STXBP5L: variants seen among roughly 807,000 people sequenced by gnomAD.
STXBP5L encodes syntaxin-binding protein 5-like.
In STXBP5L, 65 loss-of-function variants were observed where a neutral mutation model predicts 144.5. The ratio of observed to expected loss-of-function variants is 0.45; its 90% CI spans 0.37 to 0.55. The LOEUF (loss-of-function observed/expected upper bound fraction) is 0.55, where lower values mean the gene tolerates loss of function less well. Among genes scored for constraint, STXBP5L ranks in the 20% least tolerant of loss-of-function variants. The pLI, the probability that STXBP5L is intolerant of heterozygous loss-of-function variation, is 0.00. For synonymous variants in STXBP5L, 505 were observed against 469.6 expected (o/e 1.08, Z -0.97); for missense variants, 1,298 against 1,405.5 (o/e 0.92, Z 1.22).
At chr3:121,002,973 G>A (rs1157797448) in intron 3 of STXBP5L, among the ~76,000 whole-genome samples, 2 of 152,130 alleles carry the variant, frequency 1.3e-5, no homozygotes, top group Non-Finnish European at 2.9e-5. Context: ...CATTTGGCTT[G>A]GTTCCAAGTC....
intron 3 of STXBP5L, among the ~76,000 whole-genome samples, chr3:120,991,980 G>A (rs1268336809): frequency 6.6e-6 from 1 of 151,936 alleles, no homozygotes; most frequent in Non-Finnish European, 1.5e-5. Flanking sequence ...TCCATATAGT[G>A]ATTGCTGCTT....
chr3:121,403,357 T>C (rs2046926216), intron 22 of STXBP5L, among the ~76,000 whole-genome samples: 1 of 152,136 alleles, frequency 6.6e-6, no homozygotes, highest in Non-Finnish European at 1.5e-5. Context: ...AGTTATTCAC[T>C]ATATTCCACT....
chr3:121,325,764 TTA>T (rs915317417), intron 20 of STXBP5L, among the ~76,000 whole-genome samples: 1 of 151,976 alleles, frequency 6.6e-6, no homozygotes, highest in Admixed American at 6.6e-5. Context: ...GTATAGTACT[TTA>T]AAGCAAACAA....
intron 19 of STXBP5L, among the ~76,000 whole-genome samples, chr3:121,293,501 T>C (rs541125297): frequency 1.3e-5 from 2 of 152,318 alleles, no homozygotes; most frequent in African/African-American, 4.8e-5. Flanking sequence ...GGCTATTTTT[T>C]AAAAGAAGAA....
chr3:121,068,879 A>G (rs2041672860), intron 5 of STXBP5L, among the ~76,000 whole-genome samples: 1 of 152,008 alleles, frequency 6.6e-6, no homozygotes, highest in African/African-American at 2.4e-5. Context: ...CTCTGCTTTT[A>G]TTATTTCACT....
chr3:121,392,770 C>CATATATATATAT (rs71133531), intron 22 of STXBP5L, among the ~76,000 whole-genome samples: 15 of 112,386 alleles, frequency 1.3e-4, no homozygotes, highest in East Asian at 2.5e-4. Flanking sequence ...TATTTCATGG[C>CATATATATATAT]ATATATATAT....
intron 5 of STXBP5L, among the ~76,000 whole-genome samples, chr3:121,082,946 C>A (rs1189235161): frequency 6.6e-6 from 1 of 152,096 alleles, no homozygotes; most frequent in African/African-American, 2.4e-5. Flanking sequence ...TGCCTGTAAT[C>A]CCAGCACTTT....
chr3:121,220,665 CA>C (rs888917721), intron 10 of STXBP5L, among the ~76,000 whole-genome samples: 2 of 151,988 alleles, frequency 1.3e-5, no homozygotes, highest in African/African-American at 4.8e-5. Context: ...TGCAAATTAT[CA>C]AATTATCAAA....
chr3:121,298,439 T>C (rs537131761), intron 19 of STXBP5L, among the ~76,000 whole-genome samples: 1 of 152,186 alleles, frequency 6.6e-6, no homozygotes, highest in East Asian at 1.9e-4. Flanking sequence ...GAATGTGACA[T>C]CAAAGGCACA....
intron 3 of STXBP5L, among the ~76,000 whole-genome samples, chr3:121,009,257 G>T (rs561983577): frequency 3.0e-4 from 46 of 151,880 alleles, no homozygotes; most frequent in African/African-American, 4.8e-4. Context: ...TAAGAAATAA[G>T]AATCCACATA....
At chr3:121,103,905 G>A (rs866103297) in intron 5 of STXBP5L, among the ~76,000 whole-genome samples, 1 of 152,068 alleles carries the variant, frequency 6.6e-6, no homozygotes, top group East Asian at 1.9e-4. Context: ...ATATGTTTGG[G>A]TATTTACTGC....
At position 121,035,727 on chromosome 3, in the gene STXBP5L, C is replaced by T. The variant is rs377133507; in HGVS notation, c.288-5973C>T. Among the ~76,000 whole-genome samples the T allele has an allele frequency of 4.6e-5, 7 of 152,072 alleles. No individual in the cohort carries two copies. In the East Asian group the frequency reaches 7.7e-4, roughly 17 times the overall value. On this transcript the variant is annotated intron_variant, in intron 3 of 26. Coordinates refer to ENST00000471454, the MANE Select transcript of STXBP5L (RefSeq NM_001308330.2). ...TTCCATATGAATTTTAAGATTTTTT[C>T]TAATTCTGTGAAAAATGACATTAGT...
chr3:120,949,731 A>G (rs1318052144), intron 2 of STXBP5L, among the ~76,000 whole-genome samples: 1 of 151,844 alleles, frequency 6.6e-6, no homozygotes, highest in Non-Finnish European at 1.5e-5. Context: ...CCTTGTCAAA[A>G]TATTCAGCTG....
chr3:121,037,118 G>A (rs868034515), intron 3 of STXBP5L, among the ~76,000 whole-genome samples: 2 of 151,790 alleles, frequency 1.3e-5, no homozygotes, highest in East Asian at 3.9e-4. Context: ...TATCTGTAGA[G>A]ATGGGGGTCT....
chr3:120,972,229 G>A (rs931086813), intron 3 of STXBP5L, among the ~76,000 whole-genome samples: 3 of 151,886 alleles, frequency 2.0e-5, no homozygotes, highest in African/African-American at 7.3e-5. Flanking sequence ...TCCATTATTT[G>A]TGTCATCTAT....
At chr3:121,053,585 A>G (rs1203643885) in intron 5 of STXBP5L, among the ~76,000 whole-genome samples, 1 of 152,216 alleles carries the variant, frequency 6.6e-6, no homozygotes, top group Non-Finnish European at 1.5e-5. Flanking sequence ...ACAAAAATTA[A>G]TTCAAGATGG....
At chr3:121,070,595 G>T (rs930492394) in intron 5 of STXBP5L, among the ~76,000 whole-genome samples, 6 of 152,032 alleles carry the variant, frequency 3.9e-5, no homozygotes, top group Non-Finnish European at 7.4e-5. Flanking sequence ...ACCACAGTTA[G>T]CTATTTCTTC....
At chr3:121,330,647 T>C (rs1042800326) in intron 20 of STXBP5L, among the ~76,000 whole-genome samples, 1 of 152,162 alleles carries the variant, frequency 6.6e-6, no homozygotes, top group Non-Finnish European at 1.5e-5. Context: ...CCACCACAGC[T>C]GTTGCTCTTT....
At chr3:120,917,813 G>A (rs1709177074) in intron 2 of STXBP5L, among the ~76,000 whole-genome samples, 2 of 152,162 alleles carry the variant, frequency 1.3e-5, no homozygotes, top group Admixed American at 1.3e-4. Flanking sequence ...TGAAATCTGT[G>A]CTTTATGTCC....
Sources: gnomAD v4.1 joint callset for allele counts (sites outside exome capture counted in the v4.1 genomes callset) on GRCh38, gnomAD v4.1.1 for gene constraint, MANE v1.5 for transcripts, NCBI Gene and HGNC (gene_info 2026-07-23, HGNC 2026-07-21) for gene names.